Variants in ERC1 observed in about 807,000 individuals in gnomAD.
The protein encoded by ERC1 is RAB6 interacting protein 2.
ERC1 carries 56 observed loss-of-function variants against 132.0 expected under a neutral mutation model. The ratio of observed to expected loss-of-function variants is 0.42; its 90% CI spans 0.34 to 0.53. The LOEUF (loss-of-function observed/expected upper bound fraction) is 0.53. ERC1 is among the 20% of genes least tolerant of loss of function. The probability of loss-of-function intolerance (pLI) is 0.03; values close to 1 mark genes in which losing one functional copy is unlikely to be tolerated. For missense variants in ERC1, 1,202 were observed against 1,349.9 expected, an observed-to-expected ratio of 0.89 and a Z score of 1.72; for synonymous variants, 478 against 476.1, an observed-to-expected ratio of 1.00 and a Z score of -0.05.
At chr12:1,370,918 G>A (rs2087152059) in intron 15 of ERC1, among the ~76,000 whole-genome samples, 1 of 152,104 alleles carries the variant, frequency 6.6e-6, no homozygotes, top group South Asian at 2.1e-4. Flanking sequence ...TTGCCATGTT[G>A]CCCAGGCTGG....
intron 15 of ERC1, among the ~76,000 whole-genome samples, chr12:1,297,697 ACT>A (rs750735097): frequency 9.7e-4 from 132 of 136,400 alleles, no homozygotes; most frequent in South Asian, 4.0e-3. Context: ...ATAGAGTGAG[ACT>A]CTGTCCCCCT....
rs1555233839 is a variant in ERC1, at chr12:1,090,832, CATT to C, written c.1086+7265_1086+7267del. Among the ~76,000 whole-genome samples the C allele has an allele frequency of 8.0e-3, 62 of 7,774 alleles. 13 individuals carry two copies. Among genetic ancestry groups the C allele is most frequent in the African/African-American group, 9.2e-3 (54 of 5,848 alleles). 5.1% of individuals were successfully genotyped at this position (7,774 alleles called of 152,430 possible). A position where few individuals can be genotyped will look rare whatever the true frequency, so the allele number is the denominator to read the frequency against. On this transcript the variant is annotated intron_variant, in intron 3 of 18. Coordinates refer to ENST00000360905, the MANE Select transcript of ERC1 (RefSeq NM_178040.4). ...ACAGGCAATATGCCTATGCCTGGCC[CATT>C]ATTATTATTATTGTTGTTGTTGTTG...
At chr12:1,403,923 T>C (rs73026477) in intron 16 of ERC1, among the ~76,000 whole-genome samples, 12,703 of 152,312 alleles carry the variant, frequency 0.083, 582 homozygotes, top group Middle Eastern at 0.2. Flanking sequence ...GATGTTTCGC[T>C]CACTTTCTGT....
At chr12:1,382,357 A>G (rs1432291434) in intron 16 of ERC1, among the ~76,000 whole-genome samples, 1 of 152,252 alleles carries the variant, frequency 6.6e-6, no homozygotes, top group Non-Finnish European at 1.5e-5. Flanking sequence ...GGTGTTGTCT[A>G]CAGAGGCAGG....
intron 8 of ERC1, among the ~76,000 whole-genome samples, chr12:1,144,976 G>T (rs146428273): frequency 6.6e-6 from 1 of 151,076 alleles, no homozygotes; most frequent in Non-Finnish European, 1.5e-5. Flanking sequence ...AAATTATATC[G>T]CATTGTGGTT....
chr12:994,810 A>C (rs774869854), intron 1 of ERC1, among the ~76,000 whole-genome samples: 3 of 152,082 alleles, frequency 2.0e-5, no homozygotes, highest in Non-Finnish European at 4.4e-5. Context: ...AAAATAAAAA[A>C]ATTAGGCCGG....
At chr12:997,592 T>C (rs1472154384) in intron 1 of ERC1, among the ~76,000 whole-genome samples, 2 of 152,180 alleles carry the variant, frequency 1.3e-5, no homozygotes, top group African/African-American at 4.8e-5. Flanking sequence ...AGCTGTGAAC[T>C]AGTTGCCAGC....
chr12:1,145,972 T>G (rs906216674), intron 8 of ERC1, among the ~76,000 whole-genome samples: 28 of 152,232 alleles, frequency 1.8e-4, no homozygotes, highest in Non-Finnish European at 7.3e-5. Flanking sequence ...TTTTGGCGAC[T>G]ATAGCCTTGT....
At chr12:1,143,163 C>G (rs147452272) in intron 8 of ERC1, among the ~76,000 whole-genome samples, 2 of 152,100 alleles carry the variant, frequency 1.3e-5, no homozygotes, top group East Asian at 1.9e-4. Flanking sequence ...CTGGGCCTCC[C>G]GAAGTACTGG....
intron 2 of ERC1, among the ~76,000 whole-genome samples, chr12:1,033,908 G>T (rs971489826): frequency 6.6e-6 from 1 of 152,232 alleles, no homozygotes; most frequent in African/African-American, 2.4e-5. Flanking sequence ...GGGATTACAG[G>T]CATGAGTCAC....
intron 15 of ERC1, among the ~76,000 whole-genome samples, chr12:1,336,107 T>C (rs916292277): frequency 6.6e-6 from 1 of 152,330 alleles, no homozygotes; most frequent in African/African-American, 2.4e-5. Context: ...TCGGTAATAA[T>C]ATCCTTTTTG....
intron 17 of ERC1, among the ~76,000 whole-genome samples, chr12:1,431,380 T>C (rs1348632691): frequency 2.6e-5 from 4 of 152,220 alleles, no homozygotes; most frequent in Non-Finnish European, 5.9e-5. Context: ...ACATTTAACC[T>C]ATTCACAGAT....
At chr12:1,375,186 T>A (rs895033921) in intron 16 of ERC1, among the ~76,000 whole-genome samples, 6 of 152,120 alleles carry the variant, frequency 3.9e-5, no homozygotes, top group African/African-American at 1.4e-4. Flanking sequence ...GACTCACAGA[T>A]CCACATGGCT....
intron 12 of ERC1, among the ~76,000 whole-genome samples, chr12:1,201,098 A>G (rs2154283409): frequency 6.6e-6 from 1 of 152,344 alleles, no homozygotes; most frequent in Admixed American, 6.5e-5. Flanking sequence ...AATTTAATAT[A>G]ATTCAGTTGA....
At chr12:1,328,388 C>T (rs968016330) in intron 15 of ERC1, among the ~76,000 whole-genome samples, 1 of 152,146 alleles carries the variant, frequency 6.6e-6, no homozygotes, top group African/African-American at 2.4e-5. Flanking sequence ...AAGTAGTTCT[C>T]CTACCATGGC....
intron 7 of ERC1, among the ~76,000 whole-genome samples, chr12:1,133,094 G>A (rs895923914): frequency 2.6e-5 from 4 of 151,876 alleles, no homozygotes; most frequent in South Asian, 2.1e-4. Context: ...CTCACCTCAA[G>A]TGATCCACCC....
intron 2 of ERC1, among the ~76,000 whole-genome samples, chr12:1,043,737 TTGAC>T (rs550636350): frequency 9.1e-4 from 138 of 152,340 alleles, no homozygotes; most frequent in African/African-American, 3.3e-3. Flanking sequence ...TTAGCATTGT[TTGAC>T]TGAGGACGAA....
chr12:1,037,435 A>G (rs1369007358), intron 2 of ERC1, among the ~76,000 whole-genome samples: 1 of 152,190 alleles, frequency 6.6e-6, no homozygotes, highest in Non-Finnish European at 1.5e-5. Context: ...TGGAGGTCAT[A>G]GTTTCATTTT....
At chr12:1,212,814 C>G (rs1958003913) in intron 12 of ERC1, among the ~76,000 whole-genome samples, 1 of 152,218 alleles carries the variant, frequency 6.6e-6, no homozygotes, top group African/African-American at 2.4e-5. Flanking sequence ...CCAGTGTGCT[C>G]TCCTCCCAGG....
Sources: gnomAD v4.1 joint callset for allele counts (sites outside exome capture counted in the v4.1 genomes callset) on GRCh38, gnomAD v4.1.1 for gene constraint, MANE v1.5 for transcripts, NCBI Gene and HGNC (gene_info 2026-07-23, HGNC 2026-07-21) for gene names.